CDC14B: variants seen among roughly 807,000 people sequenced by gnomAD.
The protein encoded by CDC14B is dual specificity protein phosphatase CDC14B.
In CDC14B, 22 loss-of-function variants were observed where a neutral mutation model predicts 64.2. The ratio of observed to expected loss-of-function variants is 0.34; its 90% CI spans 0.24 to 0.49. The LOEUF (loss-of-function observed/expected upper bound fraction) is 0.49, where lower values mean the gene tolerates loss of function less well. Ranked by LOEUF, CDC14B falls within the 20% of genes least tolerant of loss-of-function variation. CDC14B has a pLI of 0.99. For missense variants in CDC14B, 498 were observed against 629.9 expected, an observed-to-expected ratio of 0.79 and a Z score of 2.24; for synonymous variants, 191 against 215.8, an observed-to-expected ratio of 0.89 and a Z score of 1.01.
At chr9:96,540,829 G>C (rs1839947352) in intron 6 of CDC14B, among the ~76,000 whole-genome samples, 1 of 152,018 alleles carries the variant, frequency 6.6e-6, no homozygotes, top group African/African-American at 2.4e-5. Context: ...CCACACTGAG[G>C]GCCCATGGAG....
At chr9:96,532,649 T>C (rs1043157463) in intron 9 of CDC14B, among the ~76,000 whole-genome samples, 2 of 152,182 alleles carry the variant, frequency 1.3e-5, no homozygotes, top group African/African-American at 2.4e-5. Flanking sequence ...ATTTATGTTA[T>C]GCTCTTTATT....
chr9:96,505,253 G>T (rs1833962827), intron 13 of CDC14B, among the ~76,000 whole-genome samples: 2 of 151,614 alleles, frequency 1.3e-5, no homozygotes, highest in Non-Finnish European at 2.9e-5. Flanking sequence ...ACAATATGAA[G>T]AATTAGGTAC....
chr9:96,534,582 T>C (rs1382279690), intron 7 of CDC14B, 40 bp from the exon 8 acceptor site: 2 of 1,333,508 alleles, frequency 1.5e-6, no homozygotes, highest in Admixed American at 1.7e-5. Flanking sequence ...TTTAAATGTA[T>C]TCTCCCCACA....
intron 7 of CDC14B, 73 bp from the exon 8 acceptor site, chr9:96,534,615 C>A: frequency 1.0e-6 from 1 of 954,502 alleles, no homozygotes; most frequent in Non-Finnish European, 1.6e-6. Flanking sequence ...AAGACTGAGT[C>A]TCTGAAGGAC....
chr9:96,590,050 T>C (rs757714426), intron 1 of CDC14B, among the ~76,000 whole-genome samples: 11 of 152,116 alleles, frequency 7.2e-5, no homozygotes, highest in Non-Finnish European at 1.3e-4. Context: ...AGTATAATAA[T>C]GTTAACTTGT....
chr9:96,608,116 T>G (rs1564392539), intron 1 of CDC14B, among the ~76,000 whole-genome samples: 1 of 152,236 alleles, frequency 6.6e-6, no homozygotes, highest in Admixed American at 6.5e-5. Flanking sequence ...TGTGTGCTAG[T>G]GTCAATTCCC....
intron 7 of CDC14B, chr9:96,538,832 A>G (rs1003130887): frequency 2.5e-6 from 1 of 407,712 alleles, no homozygotes; most frequent in Non-Finnish European, 4.4e-6. Flanking sequence ...TAATGTGTGT[A>G]CTGTATGCTT....
intron 5 of CDC14B, among the ~76,000 whole-genome samples, chr9:96,546,471 CGGAGTTTCGCTCTTGTCGCCCA>C (rs1237305480): frequency 2.0e-5 from 3 of 149,502 alleles, no homozygotes; most frequent in Non-Finnish European, 4.4e-5. Flanking sequence ...GGGGTGGGGA[CGGAGTTTCGCTCTTGTCGCCCA>C]GGCTGGAGTG....
chr9:96,571,257 C>T (rs1297655135), intron 1 of CDC14B, among the ~76,000 whole-genome samples: 2 of 151,290 alleles, frequency 1.3e-5, no homozygotes, highest in Non-Finnish European at 2.9e-5. Context: ...CTCACTGCAA[C>T]CTCTGCTTCC....
At chr9:96,575,224 G>C (rs16911311) in intron 1 of CDC14B, among the ~76,000 whole-genome samples, 3,908 of 152,260 alleles carry the variant, frequency 0.026, 157 homozygotes, top group African/African-American at 0.087. Flanking sequence ...CTGTCCTTGT[G>C]GTTGTCCGAT....
At chr9:96,505,102 A>G (rs1451573957) in intron 13 of CDC14B, among the ~76,000 whole-genome samples, 1 of 151,828 alleles carries the variant, frequency 6.6e-6, no homozygotes, top group Non-Finnish European at 1.5e-5. Flanking sequence ...AATCACTTCA[A>G]CCTGGGAGGT....
At chr9:96,528,568 T>C (rs1428728833) in intron 9 of CDC14B, among the ~76,000 whole-genome samples, 1 of 152,080 alleles carries the variant, frequency 6.6e-6, no homozygotes, top group Non-Finnish European at 1.5e-5. Context: ...TGCTACAACA[T>C]GGGTGTAAAA....
chr9:96,607,872 GC>G (rs1356579106), intron 1 of CDC14B, among the ~76,000 whole-genome samples: 1 of 152,132 alleles, frequency 6.6e-6, no homozygotes, highest in African/African-American at 2.4e-5. Context: ...CACCACAGGG[GC>G]AACGGCTCTG....
In CDC14B at chr9:96,537,354, G is replaced by T. The variant is rs137884723; in HGVS notation, c.627+1724C>A. ...AGAAAATAAATTTTTTTTTGGTCCG[G>T]CTGGTTTGATGGGGCTGACCCTATG... On this transcript the variant is annotated intron_variant, in intron 7 of 13. Coordinates refer to ENST00000375241, the MANE Select transcript of CDC14B (RefSeq NM_033331.4). Among the ~76,000 whole-genome samples, 627 of 151,976 alleles carry T rather than the reference G, an allele frequency of 4.1e-3. 1 individual carries two copies. Among genetic ancestry groups the T allele is most frequent in the Middle Eastern group, 0.031 (9 of 294 alleles).
downstream of CDC14B, chr9:96,496,084 C>T (rs16910966): frequency 5.7e-5 from 20 of 350,408 alleles, no homozygotes; most frequent in African/African-American, 4.1e-4. Context: ...CTGGAATGGG[C>T]CTCCTACCAT....
Position 96,531,234 on chromosome 9 carries a change from G to A in CDC14B, c.946+2693C>T, listed in dbSNP as rs574964557. 2.6e-5 allele frequency among the ~76,000 whole-genome samples: 4 copies of A among 152,268 alleles called. No individual in the cohort carries two copies. In the South Asian group the frequency reaches 8.3e-4, roughly 32 times the overall value. ...AAGGACTGGTTTTAGTTTTTTAAGT[G>A]TTTGGTAGAATTTACTGGTGATGCT... On this transcript the variant is annotated intron_variant, in intron 9 of 13. Coordinates refer to ENST00000375241, the MANE Select transcript of CDC14B (RefSeq NM_033331.4).
chr9:96,551,336 G>T (rs1368593050), intron 5 of CDC14B, among the ~76,000 whole-genome samples: 3 of 151,768 alleles, frequency 2.0e-5, no homozygotes, highest in Non-Finnish European at 4.4e-5. Context: ...TGCCGAGGCT[G>T]GTCTGGAACT....
At chr9:96,576,582 G>A (rs1161048801) in intron 1 of CDC14B, among the ~76,000 whole-genome samples, 2 of 140,354 alleles carry the variant, frequency 1.4e-5, no homozygotes, top group East Asian at 2.2e-4. Flanking sequence ...GCAGGGAGCT[G>A]AGATCAAGCC....
At chr9:96,521,550 G>A (rs1836719586) in intron 12 of CDC14B, among the ~76,000 whole-genome samples, 3 of 152,076 alleles carry the variant, frequency 2.0e-5, no homozygotes, top group Non-Finnish European at 4.4e-5. Flanking sequence ...ACCTCCCAGG[G>A]GAGCAACCCA....
Sources: gnomAD v4.1 joint callset for allele counts (sites outside exome capture counted in the v4.1 genomes callset) on GRCh38, gnomAD v4.1.1 for gene constraint, MANE v1.5 for transcripts, NCBI Gene and HGNC (gene_info 2026-07-23, HGNC 2026-07-21) for gene names.